Variants in RCOR1 observed in about 807,000 individuals in gnomAD.
The protein encoded by RCOR1 is REST corepressor 1.
In RCOR1, 12 loss-of-function variants were observed where a neutral mutation model predicts 64.0. The observed-to-expected ratio is 0.19, with a 90% confidence interval of 0.12 to 0.30. The LOEUF is 0.30. Among genes scored for constraint, RCOR1 ranks in the 10% least tolerant of loss-of-function variants. RCOR1 has a pLI of 1.00. For synonymous variants in RCOR1, 279 were observed against 227.2 expected, an observed-to-expected ratio of 1.23 and a Z score of -2.05; for missense variants, 502 against 621.2, an observed-to-expected ratio of 0.81 and a Z score of 2.04.
intron 3 of RCOR1, among the ~76,000 whole-genome samples, chr14:102,696,154 G>T (rs924682220): frequency 6.6e-6 from 1 of 151,872 alleles, no homozygotes; most frequent in South Asian, 2.1e-4. Context: ...TTGTTATTTC[G>T]TGTGTTTGTT....
chr14:102,594,484 A>C (rs915469218), intron 2 of RCOR1, among the ~76,000 whole-genome samples: 1 of 152,206 alleles, frequency 6.6e-6, no homozygotes, highest in African/African-American at 2.4e-5. Flanking sequence ...TGAAGTGAAA[A>C]TACATAGAGG....
intron 3 of RCOR1, among the ~76,000 whole-genome samples, chr14:102,690,283 TATATC>T (rs1895504325): frequency 1.3e-5 from 2 of 152,230 alleles, no homozygotes; most frequent in South Asian, 2.1e-4. Context: ...TAATGTGTAA[TATATC>T]ATATATAATT....
At position 102,630,005 on chromosome 14, in the gene RCOR1, G is replaced by A. The variant is rs151275460; in HGVS notation, c.361+36680G>A. ...CCTCCTTATTTTGTGTAAGGCAGAA[G>A]TGGGGAGTCTTGGGCAGATTACTTA... On this transcript the variant is annotated intron_variant, in intron 2 of 11. Coordinates refer to ENST00000262241, the MANE Select transcript of RCOR1 (RefSeq NM_015156.4). 5,115 of 975,692 alleles carry A rather than the reference G, an allele frequency of 5.2e-3. 38 individuals are homozygous for A. The highest frequency in any genetic ancestry group is 5.4e-3 in the Non-Finnish European group (4,427 of 820,960). The allele number at this position is 975,692 out of a possible 1,614,324, so 60.4% of individuals were successfully genotyped here.
intron 2 of RCOR1, among the ~76,000 whole-genome samples, chr14:102,680,709 G>A (rs1308463322): frequency 6.6e-6 from 1 of 152,168 alleles, no homozygotes; most frequent in Non-Finnish European, 1.5e-5. Context: ...AGAGGCTGAG[G>A]CAGGAGAATT....
chr14:102,666,265 T>G (rs1324392423), intron 2 of RCOR1, among the ~76,000 whole-genome samples: 1 of 152,184 alleles, frequency 6.6e-6, no homozygotes, highest in Non-Finnish European at 1.5e-5. Flanking sequence ...GGCCAGATTA[T>G]GAAGGGTCTT....
intron 8 of RCOR1, among the ~76,000 whole-genome samples, chr14:102,715,705 A>G (rs1003492008): frequency 6.6e-6 from 1 of 152,158 alleles, no homozygotes; most frequent in African/African-American, 2.4e-5. Flanking sequence ...TTTTAAAACC[A>G]TAAGTTGTTT....
intron 2 of RCOR1, among the ~76,000 whole-genome samples, chr14:102,647,771 C>T (rs1188763384): frequency 5.9e-5 from 9 of 152,180 alleles, no homozygotes; most frequent in African/African-American, 1.7e-4. Flanking sequence ...CTCCGCCTCC[C>T]GGATTCAGGG....
chr14:102,638,777 G>T (rs571214446), intron 2 of RCOR1, among the ~76,000 whole-genome samples: 1 of 151,844 alleles, frequency 6.6e-6, no homozygotes, highest in Non-Finnish European at 1.5e-5. Context: ...AAGCAATTCT[G>T]CTGTCTCAGT....
At chr14:102,603,302 T>G (rs1465124970) in intron 2 of RCOR1, among the ~76,000 whole-genome samples, 1 of 151,142 alleles carries the variant, frequency 6.6e-6, no homozygotes. Context: ...AAGAAAAGAG[T>G]GTCTTTTTAT....
chr14:102,614,385 C>A (rs754605318), intron 2 of RCOR1, among the ~76,000 whole-genome samples: 1 of 151,972 alleles, frequency 6.6e-6, no homozygotes, highest in African/African-American at 2.4e-5. Context: ...CCACCATGCC[C>A]GGCTAATTTT....
At chr14:102,595,441 G>C (rs1893222002) in intron 2 of RCOR1, among the ~76,000 whole-genome samples, 1 of 152,176 alleles carries the variant, frequency 6.6e-6, no homozygotes, top group Non-Finnish European at 1.5e-5. Flanking sequence ...GCTGCAGTGA[G>C]CAGTGATCTG....
intron 2 of RCOR1, among the ~76,000 whole-genome samples, chr14:102,632,525 A>C (rs1336221578): frequency 6.6e-6 from 1 of 151,926 alleles, no homozygotes; most frequent in African/African-American, 2.4e-5. Context: ...TTTCTAATAG[A>C]GAGCTTTCCT....
intron 2 of RCOR1, chr14:102,657,482 G>T: frequency 1.0e-6 from 1 of 983,894 alleles, no homozygotes; most frequent in Non-Finnish European, 1.2e-6. Flanking sequence ...TGATATTAGA[G>T]ATTTTGGTTT....
At chr14:102,631,860 G>A (rs921072982) in intron 2 of RCOR1, among the ~76,000 whole-genome samples, 17 of 152,004 alleles carry the variant, frequency 1.1e-4, no homozygotes, top group Non-Finnish European at 2.5e-4. Flanking sequence ...GAGTGCGGTG[G>A]CGCGATCTCG....
At chr14:102,630,630 C>T (rs1894092308) in intron 2 of RCOR1, among the ~76,000 whole-genome samples, 1 of 152,124 alleles carries the variant, frequency 6.6e-6, no homozygotes, top group Admixed American at 6.6e-5. Flanking sequence ...TGTTAGTTTC[C>T]TGGATCTGAA....
chr14:102,606,973 G>A (rs1236394003), intron 2 of RCOR1, among the ~76,000 whole-genome samples: 3 of 126,732 alleles, frequency 2.4e-5, no homozygotes, highest in Non-Finnish European at 4.8e-5. Context: ...TCACTCTGTC[G>A]CCCAGGCTGG....
intron 2 of RCOR1, among the ~76,000 whole-genome samples, chr14:102,638,905 C>T (rs569799692): frequency 5.2e-4 from 79 of 152,310 alleles, no homozygotes; most frequent in Non-Finnish European, 9.4e-4. Flanking sequence ...TCAGGTGCTC[C>T]GCCTGCCTCA....
In RCOR1 at chr14:102,628,232, C is replaced by G. The variant is rs190657268; in HGVS notation, c.361+34907C>G. 1.4e-4 allele frequency among the ~76,000 whole-genome samples: 22 copies of G among 152,298 alleles called. 1 individual carries two copies. The highest frequency in any genetic ancestry group is 1.2e-3 in the Admixed American group (19 of 15,280). On this transcript the variant is annotated intron_variant, in intron 2 of 11. Coordinates refer to ENST00000262241, the MANE Select transcript of RCOR1 (RefSeq NM_015156.4). ...ACATTAAGGAGGGCAGTCTGCTTTACTCAGTCCACGGATTCAAATGTTCAT... is the reference window on the plus strand; with the variant it reads ...ACATTAAGGAGGGCAGTCTGCTTTAGTCAGTCCACGGATTCAAATGTTCAT...
At chr14:102,628,680 G>T (rs147953692) in intron 2 of RCOR1, among the ~76,000 whole-genome samples, 1 of 152,068 alleles carries the variant, frequency 6.6e-6, no homozygotes, top group African/African-American at 2.4e-5. Context: ...TCAGCCTCCC[G>T]AGAGGTGGGA....
Sources: allele counts gnomAD v4.1 joint callset (sites outside exome capture counted in the v4.1 genomes callset), GRCh38; gene constraint gnomAD v4.1.1; transcripts MANE v1.5; gene names NCBI Gene and HGNC (gene_info 2026-07-23, HGNC 2026-07-21).